Variants in MTMR1 observed in about 807,000 individuals in gnomAD.
MTMR1 encodes the protein phosphatidylinositol-3-phosphate phosphatase MTMR1.
Under a neutral mutation model 51.6 loss-of-function variants are expected in MTMR1, and 17 were observed. The ratio of observed to expected loss-of-function variants is 0.33; its 90% CI spans 0.23 to 0.49. The LOEUF is 0.49. Ranked by LOEUF, MTMR1 falls within the 20% of genes least tolerant of loss-of-function variation. The pLI is 0.99. For synonymous variants in MTMR1, 201 were observed against 205.6 expected, an observed-to-expected ratio of 0.98 and a Z score of 0.19; for missense variants, 386 against 526.9, an observed-to-expected ratio of 0.73 and a Z score of 2.62.
intron 6 of MTMR1, 103 bp downstream of exon 6, chrX:150,727,894 T>G: frequency 2.2e-6 from 1 of 455,098 alleles, no homozygotes; most frequent in Non-Finnish European, 3.6e-6. Flanking sequence ...TAATTTGTAC[T>G]GCTAGTAACT....
Position 150,737,343 on chromosome X carries a change from C to G in MTMR1, c.1368C>G (p.Leu456=). 3 of 1,211,171 alleles carry G rather than the reference C, an allele frequency of 2.5e-6. No individual in the cohort carries two copies. Among genetic ancestry groups the G allele is most frequent in the Non-Finnish European group, 3.4e-6 (3 of 895,019 alleles). Residue 456 remains leucine, a synonymous_variant, in exon 12 of 16, where the codon CTC becomes CTG. Coordinates refer to ENST00000445323, the MANE Select transcript of MTMR1 (RefSeq NM_001306144.3). Reference sequence around the variant, plus strand: ...ACGGTTGGGACCGAACAGCCCAGCTCACATCTCTGGCTATGCTAATGTTGG... The same window carrying G: ...ACGGTTGGGACCGAACAGCCCAGCTGACATCTCTGGCTATGCTAATGTTGG... The part of the protein sequence containing the change: ...CSDGWDRTAQ[L]TSLAMLMLDS...
intron 4 of MTMR1, among the ~76,000 whole-genome samples, chrX:150,725,368 G>A (rs2041891974): frequency 9.0e-6 from 1 of 111,679 alleles, no homozygotes; most frequent in Admixed American, 9.4e-5. Flanking sequence ...TTTGGCTGTT[G>A]GCCTGGCTGT....
intron 10 of MTMR1, 198 bp from the exon 11 acceptor site, chrX:150,736,397 A>G (rs1215899270): frequency 1.0e-5 from 4 of 391,063 alleles, no homozygotes; most frequent in African/African-American, 5.1e-5. Flanking sequence ...CAGAACTAGG[A>G]GAGAATAAAC....
chrX:150,734,636 T>G (rs1021170792), intron 10 of MTMR1, among the ~76,000 whole-genome samples: 2 of 112,739 alleles, frequency 1.8e-5, no homozygotes, highest in Non-Finnish European at 3.7e-5. Flanking sequence ...GCAGGAGAGA[T>G]AGAGACAGGA....
chrX:150,757,271 A>G (rs2042931055), intron 15 of MTMR1, among the ~76,000 whole-genome samples: 2 of 112,401 alleles, frequency 1.8e-5, no homozygotes, highest in South Asian at 7.3e-4. Context: ...CCTTAGCTCC[A>G]TGCTCCATCT....
At chrX:150,734,389 G>T (rs1557417090) in intron 10 of MTMR1, among the ~76,000 whole-genome samples, 3 of 112,823 alleles carry the variant, frequency 2.7e-5, no homozygotes, top group African/African-American at 9.7e-5. Context: ...CCAGGGATTC[G>T]ATGTGGATGT....
intron 3 of MTMR1, among the ~76,000 whole-genome samples, chrX:150,713,521 T>C (rs370955679): frequency 2.4e-3 from 264 of 112,008 alleles, no homozygotes; most frequent in African/African-American, 7.6e-3. Context: ...TCTTCACTGG[T>C]TGCCTTTGTA....
chrX:150,753,227 C>G (rs2042804062), intron 14 of MTMR1, among the ~76,000 whole-genome samples: 1 of 112,209 alleles, frequency 8.9e-6, no homozygotes, highest in African/African-American at 3.2e-5. Context: ...TTTGTTTATC[C>G]ATTCATTGGT....
chrX:150,711,425 T>C (rs1264176631), intron 2 of MTMR1, among the ~76,000 whole-genome samples: 1 of 112,605 alleles, frequency 8.9e-6, no homozygotes, highest in Non-Finnish European at 1.9e-5. Context: ...TTTGTTTTCA[T>C]AGGACATTCA....
chrX:150,712,757 A>G, intron 3 of MTMR1: 1 of 194,241 alleles, frequency 5.1e-6, no homozygotes, highest in South Asian at 9.8e-5. Flanking sequence ...AAAAAAGGTT[A>G]GTTGGCTGTC....
In MTMR1 at chrX:150,713,747, T is replaced by C. The variant is rs782769585; in HGVS notation, c.276+1382T>C. Among the ~76,000 whole-genome samples the C allele has an allele frequency of 2.7e-5, 3 of 112,145 alleles. No homozygotes were observed. In the Admixed American group the frequency reaches 2.8e-4, roughly 11 times the overall value. ...GATTCTATAAAGAAATTAAGAACAG[T>C]ATACCTTTAAAGGGATTGGAAAAAA... is the stretch of plus-strand genomic sequence containing the variant. On this transcript the variant is annotated intron_variant, in intron 3 of 15. Coordinates refer to ENST00000445323, the MANE Select transcript of MTMR1 (RefSeq NM_001306144.3).
chrX:150,718,503 C>G (rs2041620854), intron 3 of MTMR1, 122 bp from the exon 4 acceptor site: 1 of 917,448 alleles, frequency 1.1e-6, no homozygotes, highest in Non-Finnish European at 1.4e-6. Context: ...TTGCACGCTT[C>G]TGTAGCCTTA....
intron 2 of MTMR1, among the ~76,000 whole-genome samples, chrX:150,699,947 AT>A (rs782345688): frequency 8.9e-6 from 1 of 112,738 alleles, no homozygotes; most frequent in East Asian, 2.8e-4. Flanking sequence ...AATCAAAAAA[AT>A]CGCTTGTTCC....
intron 15 of MTMR1, among the ~76,000 whole-genome samples, chrX:150,756,098 G>T (rs1017037161): frequency 2.1e-4 from 23 of 111,822 alleles, no homozygotes; most frequent in African/African-American, 6.5e-4. Context: ...CTTCTGTCTC[G>T]TACTGATGAG....
Position 150,752,457 on chromosome X carries a change from G to A in MTMR1, c.1680+1614G>A, listed in dbSNP as rs1428228414. Reference sequence around the variant, plus strand: ...GTTAGAGTAAAATCCACACTCCTGCGGGCCCAGTGTGATGGGGACTTGCTA... The same window carrying A: ...GTTAGAGTAAAATCCACACTCCTGCAGGCCCAGTGTGATGGGGACTTGCTA... On this transcript the variant is annotated intron_variant, in intron 14 of 15. Transcript: ENST00000445323. 3.6e-5 allele frequency among the ~76,000 whole-genome samples: 4 copies of A among 110,865 alleles called. No individual in the cohort carries two copies. In the East Asian group the frequency reaches 1.1e-3, roughly 31 times the overall value.
At chrX:150,732,857 C>G in intron 10 of MTMR1, 127 bp downstream of exon 10, 1 of 650,031 alleles carries the variant, frequency 1.5e-6, no homozygotes, top group African/African-American at 2.2e-5. Flanking sequence ...AGTCCCATAG[C>G]TATTCCTCCC....
chrX:150,753,571 G>A (rs1418208550), intron 14 of MTMR1, among the ~76,000 whole-genome samples: 2 of 112,670 alleles, frequency 1.8e-5, no homozygotes, highest in Non-Finnish European at 3.7e-5. Flanking sequence ...GACTAATGAT[G>A]TTGAGCATAT....
At chrX:150,708,838 G>A (rs1376285346) in intron 2 of MTMR1, among the ~76,000 whole-genome samples, 1 of 111,770 alleles carries the variant, frequency 8.9e-6, no homozygotes, top group Non-Finnish European at 1.9e-5. Context: ...CTCCCATTTA[G>A]AGAAGAGGAG....
At chrX:150,757,616 C>G (rs5970470) in intron 15 of MTMR1, among the ~76,000 whole-genome samples, 35,219 of 110,850 alleles carry the variant, frequency 0.32, 4,787 homozygotes, top group East Asian at 0.71. Flanking sequence ...CTCCCCTGTA[C>G]ACGCCCTGCC....
Sources: allele counts gnomAD v4.1 joint callset (sites outside exome capture counted in the v4.1 genomes callset), GRCh38; gene constraint gnomAD v4.1.1; transcripts MANE v1.5; gene names NCBI Gene and HGNC (gene_info 2026-07-23, HGNC 2026-07-21).